DENND4C: variants seen among roughly 807,000 people sequenced by gnomAD.
The protein encoded by DENND4C is DENN domain containing 4C.
A neutral mutation model predicts 203.0 loss-of-function variants in DENND4C; 108 were observed. The ratio of observed to expected loss-of-function variants is 0.53; its 90% CI spans 0.46 to 0.62. DENND4C has a LOEUF of 0.62. Ranked by LOEUF, DENND4C falls within the 20% of genes least tolerant of loss-of-function variation. The probability of loss-of-function intolerance (pLI) is 0.00; values close to 1 mark genes in which losing one functional copy is unlikely to be tolerated. For synonymous variants in DENND4C, 871 were observed against 792.4 expected (o/e 1.10, Z -1.67); for missense variants, 2,481 against 2,301.2 (o/e 1.08, Z -1.60).
intron 23 of DENND4C, among the ~76,000 whole-genome samples, chr9:19,347,632 A>G (rs1319805194): frequency 6.6e-6 from 1 of 152,226 alleles, no homozygotes; most frequent in Non-Finnish European, 1.5e-5. Context: ...TTCTTGAAGT[A>G]ACTTGAACCG....
At chr9:19,233,561 C>A in intron 1 of DENND4C, among the ~76,000 whole-genome samples, 1 of 131,300 alleles carries the variant, frequency 7.6e-6, no homozygotes, top group East Asian at 2.2e-4. Flanking sequence ...TATTTGAAAC[C>A]TTTTTTTTTT....
rs1183977843 is a variant in DENND4C, at chr9:19,357,164, G to T, written c.4964+10G>T. On this transcript the variant is annotated intron_variant, in intron 27 of 32. Coordinates refer to ENST00000434457, the MANE Select transcript of DENND4C (RefSeq NM_001330640.2). ...CTGCAGTTGAACCAAGGTATCAAAG[G>T]GTACAGAGACCTCTTTATGTAGTAA... is the stretch of plus-strand genomic sequence containing the variant. The T allele has an allele frequency of 2.5e-6, 4 of 1,613,332 alleles. No individual in the cohort carries two copies. Among genetic ancestry groups the T allele is most frequent in the Non-Finnish European group, 3.4e-6 (4 of 1,179,602 alleles).
chr9:19,369,885 G>A lies in DENND4C; in HGVS notation c.5573G>A (p.Ser1858Asn). The change falls in exon 31 of 33, where the codon AGC (serine) becomes AAC (asparagine). Residue 1858 changes from serine (S) to asparagine (N), a missense_variant. Coordinates refer to ENST00000434457, the MANE Select transcript of DENND4C (RefSeq NM_001330640.2). ...CTGTCAGAGGAACAACAAGAAACAA[G>A]CACTTTAGTAGAAACCATCAGGCAG... ...SLLSEEQQET[S>N]TLVETIRQSI... The A allele has an allele frequency of 6.2e-7, 1 of 1,611,452 alleles. No individual in the cohort carries two copies. Among genetic ancestry groups the A allele is most frequent in the East Asian group, 2.2e-5 (1 of 44,722 alleles).
chr9:19,305,309 G>C, intron 9 of DENND4C, 43 bp from the exon 10 acceptor site: 1 of 1,540,428 alleles, frequency 6.5e-7, no homozygotes, highest in Non-Finnish European at 8.8e-7. Context: ...ATTTTTTATT[G>C]CAAATTTAAA....
At position 19,276,232 on chromosome 9, in the gene DENND4C, G is replaced by GA; in HGVS notation, c.59dup (p.Asp20GlufsTer16). 2.4e-6 allele frequency: 3 copies of GA among 1,232,054 alleles called. No homozygotes were observed. Among genetic ancestry groups the GA allele is most frequent in the Non-Finnish European group, 3.0e-6 (3 of 987,896 alleles). The allele number at this position is 1,232,054 out of a possible 1,614,324, so 76.3% of individuals were successfully genotyped here. ...CTACTTTGTCGTAGCTGGTCTCACT[G>GA]ACACATCTACTCTTTTGGATCAAGA... On this transcript the variant is annotated frameshift_variant, in exon 2 of 33. Transcript: ENST00000434457. LOFTEE classifies it high-confidence loss of function.
chr9:19,263,132 G>GT (rs1328329220), intron 1 of DENND4C, among the ~76,000 whole-genome samples: 8 of 152,182 alleles, frequency 5.3e-5, no homozygotes, highest in Non-Finnish European at 4.4e-5. Context: ...ATTTTTGAGA[G>GT]TTTTTGTCAT....
chr9:19,235,889 C>T (rs536153691), intron 1 of DENND4C, among the ~76,000 whole-genome samples: 5 of 151,482 alleles, frequency 3.3e-5, no homozygotes, highest in Admixed American at 6.6e-5. Context: ...TGAGCCACTG[C>T]GCCTGGCCAG....
intron 12 of DENND4C, among the ~76,000 whole-genome samples, chr9:19,319,379 T>TATATACAC (rs1366607176): frequency 9.4e-6 from 1 of 105,834 alleles, no homozygotes; most frequent in African/African-American, 4.4e-5. Flanking sequence ...TATATACACA[T>TATATACAC]ACATATATAT....
At chr9:19,315,533 A>ATG (rs1031834868) in intron 10 of DENND4C, among the ~76,000 whole-genome samples, 6 of 150,990 alleles carry the variant, frequency 4.0e-5, no homozygotes, top group Non-Finnish European at 4.4e-5. Context: ...GTATATATGT[A>ATG]TGTGTATATA....
Position 19,352,588 on chromosome 9 carries a change from T to C in DENND4C, c.4704T>C (p.Asn1568=). The change falls in exon 26 of 33, where the codon AAT becomes AAC. Residue 1568 remains asparagine (N), a synonymous_variant. Coordinates refer to ENST00000434457, the MANE Select transcript of DENND4C (RefSeq NM_001330640.2). ...AGWTADDSNL[N]TACPFCKSNF... ...GGACAGCAGATGACTCAAATTTGAA[T>C]ACAGCTTGTCCATTCTGTAAAAGCA... 1.2e-6 allele frequency: 2 copies of C among 1,613,942 alleles called. No individual in the cohort carries two copies. The highest frequency in any genetic ancestry group is 1.7e-6 in the Non-Finnish European group (2 of 1,179,892).
chr9:19,233,431 C>T (rs1821068768), intron 1 of DENND4C, among the ~76,000 whole-genome samples: 1 of 151,996 alleles, frequency 6.6e-6, no homozygotes, highest in African/African-American at 2.4e-5. Flanking sequence ...TAGGATATTC[C>T]AAAATTAGGC....
chr9:19,311,647 G>T (rs1274719286), intron 10 of DENND4C, among the ~76,000 whole-genome samples: 1 of 152,026 alleles, frequency 6.6e-6, no homozygotes, highest in Non-Finnish European at 1.5e-5. Context: ...ATAAGCTTAA[G>T]CTTATTTAAT....
rs190472257 is a variant in DENND4C at position 19,252,937 on chromosome 9, G to A, written c.-18+22104G>A. Among the ~76,000 whole-genome samples, 36 of 152,152 alleles carry A rather than the reference G, an allele frequency of 2.4e-4. No homozygotes were observed. In the East Asian group the frequency reaches 6.2e-3, roughly 26 times the overall value. ...TTTTTAGTAGAGATGGGGTTTTGCC[G>A]TGTTGGCCAGGCTGGTCTCAAAACT... On this transcript the variant is annotated intron_variant, in intron 1 of 32. Transcript: ENST00000434457.
At chr9:19,285,529 T>C (rs1835016583) in intron 2 of DENND4C, among the ~76,000 whole-genome samples, 1 of 151,954 alleles carries the variant, frequency 6.6e-6, no homozygotes, top group Non-Finnish European at 1.5e-5. Flanking sequence ...GATTTGCCTA[T>C]TCTGGACATT....
chr9:19,274,547 G>A (rs1339013660), intron 1 of DENND4C, among the ~76,000 whole-genome samples: 1 of 152,132 alleles, frequency 6.6e-6, no homozygotes, highest in Non-Finnish European at 1.5e-5. Flanking sequence ...CACCCTCCTC[G>A]GCCTTCCAAA....
In DENND4C at chr9:19,316,615, TGTTA is replaced by T. The variant is rs770737799; in HGVS notation, c.1589-2_1590del. 15 of 1,612,096 alleles carry T rather than the reference TGTTA, an allele frequency of 9.3e-6. No individual in the cohort carries two copies. The highest frequency in any genetic ancestry group is 4.0e-5 in the African/African-American group (3 of 74,728). ...TACCATTTTCTGTTTTTATTTCCTT[TGTTA>T]GTTCACCAAAAAACTCAAGAAGGCT... On this transcript the variant is annotated splice_acceptor_variant and splice_polypyrimidine_tract_variant and intron_variant, in intron 11 of 32. Coordinates refer to ENST00000434457, the MANE Select transcript of DENND4C (RefSeq NM_001330640.2). LOFTEE classifies it high-confidence loss of function.
In DENND4C at chr9:19,300,223, T is replaced by A; in HGVS notation, c.1203T>A (p.Gly401=). The change falls in exon 9 of 33, where the codon GGT becomes GGA. Residue 401 remains glycine, a synonymous_variant. Transcript: ENST00000434457. ...TTAGCACCTTGCTAATGAATCTGGGTCCTGAGAATTGTGCAACACTGCTGC... is the reference window on the plus strand; with the variant it reads ...TTAGCACCTTGCTAATGAATCTGGGACCTGAGAATTGTGCAACACTGCTGC... ...ANFSTLLMNL[G]PENCATLLLF... is the part of the protein sequence containing the mutation. 6.2e-7 allele frequency: 1 copy of A among 1,612,140 alleles called. No homozygotes were observed. Among genetic ancestry groups the A allele is most frequent in the Non-Finnish European group, 8.5e-7 (1 of 1,178,528 alleles).
intron 1 of DENND4C, among the ~76,000 whole-genome samples, chr9:19,272,647 A>T (rs974392751): frequency 2.6e-5 from 4 of 152,194 alleles, no homozygotes; most frequent in Admixed American, 6.5e-5. Flanking sequence ...CCATATGCAA[A>T]AATCAGTTTA....
At chr9:19,315,042 C>G (rs558171364) in intron 10 of DENND4C, among the ~76,000 whole-genome samples, 178 of 151,946 alleles carry the variant, frequency 1.2e-3, no homozygotes, top group Non-Finnish European at 1.6e-3. Flanking sequence ...CCCCTGTAAT[C>G]CCAGCTACTC....
Sources: allele counts gnomAD v4.1 joint callset (sites outside exome capture counted in the v4.1 genomes callset), GRCh38; gene constraint gnomAD v4.1.1; transcripts MANE v1.5; gene names NCBI Gene and HGNC (gene_info 2026-07-23, HGNC 2026-07-21).